VPS13C: variants seen among roughly 807,000 people sequenced by gnomAD.
The protein encoded by VPS13C is vacuolar protein sorting 13 homolog C, also known as intermembrane lipid transfer protein VPS13C.
Under a neutral mutation model 456.8 loss-of-function variants are expected in VPS13C, and 358 were observed. The observed-to-expected ratio is 0.78, with a 90% CI of 0.72 to 0.86. The LOEUF (loss-of-function observed/expected upper bound fraction) is 0.86. Ranked by LOEUF, VPS13C falls within the 40% of genes least tolerant of loss-of-function variation. The pLI, the probability that VPS13C is intolerant of heterozygous loss-of-function variation, is 0.00. For synonymous variants in VPS13C, 1,578 were observed against 1,486.7 expected (o/e 1.06, Z -1.41); for missense variants, 4,818 against 4,385.4 (o/e 1.10, Z -2.79).
At chr15:61,907,044 G>A (rs935911083) in intron 66 of VPS13C, 2 of 500,646 alleles carry the variant, frequency 4.0e-6, no homozygotes, top group Admixed American at 3.7e-5. Flanking sequence ...AGATAAAGCA[G>A]GTCTATTTTT....
At chr15:61,874,736 T>C (rs999620284) in intron 77 of VPS13C, 140 bp downstream of exon 77, 1 of 682,380 alleles carries the variant, frequency 1.5e-6, no homozygotes, top group Non-Finnish European at 2.2e-6. Flanking sequence ...TTTAAAAACA[T>C]GGGAAACATG....
chr15:61,942,131 A>G, intron 45 of VPS13C, 64 bp from the exon 46 acceptor site: 1 of 1,413,740 alleles, frequency 7.1e-7, no homozygotes, highest in South Asian at 1.5e-5. Flanking sequence ...AAAACTTTAA[A>G]AAGCATTTAC....
intron 32 of VPS13C, among the ~76,000 whole-genome samples, 198 bp from the exon 33 acceptor site, chr15:61,963,050 A>G (rs1364224484): frequency 6.6e-6 from 1 of 152,176 alleles, no homozygotes; most frequent in Non-Finnish European, 1.5e-5. Flanking sequence ...AACAATGATT[A>G]TGTGACTTTT....
Position 61,915,778 on chromosome 15 carries a change from G to A in VPS13C, c.8300C>T (p.Ser2767Phe), listed in dbSNP as rs962926868. ...VRRIGSRMVL[S>F]VFSPYWLINK... is the part of the protein sequence containing the mutation. ...GATTAACCAATAGGGACTAAAGACA[G>A]ACAGCACCATCCGGCTGCCAATTCT... Residue 2767 changes from serine to phenylalanine, a missense_variant, in exon 61 of 85, where the codon TCT becomes TTT. Physicochemically the swap from Ser to Phe is radical, Grantham distance 155 (BLOSUM62 -2). Transcript: ENST00000644861. The A allele has an allele frequency of 2.5e-6, 4 of 1,614,014 alleles. No individual in the cohort carries two copies. The highest frequency in any genetic ancestry group is 3.4e-6 in the Non-Finnish European group (4 of 1,180,028).
chr15:61,938,271 TG>T lies in VPS13C; in HGVS notation c.5602-1522del, dbSNP rs375065145. 5.9e-3 allele frequency among the ~76,000 whole-genome samples: 862 copies of T among 145,586 alleles called. 15 individuals carry two copies. The highest frequency in any genetic ancestry group is 0.021 in the African/African-American group (828 of 38,862). On this transcript the variant is annotated intron_variant, in intron 47 of 84. Coordinates refer to ENST00000644861, the MANE Select transcript of VPS13C (RefSeq NM_020821.3). ...ACCCCTCTTTCACTTTGCTGTGGGG[TG>T]GGGGGGGAACAAGTATGAAGGACAA... is the stretch of plus-strand genomic sequence containing the variant.
In VPS13C at chr15:62,058,816, C is replaced by A. The variant is rs144286868; in HGVS notation, c.100+1459G>T. Among the ~76,000 whole-genome samples the A allele has an allele frequency of 6.2e-3, 945 of 152,118 alleles. 13 individuals carry two copies. The highest frequency in any genetic ancestry group is 0.022 in the African/African-American group (912 of 41,494). ...CCTGTAATCCTAGCACTTTGGGAGG[C>A]TGAGGCAGGAGGATCACTTCAGCCC... On this transcript the variant is annotated intron_variant, in intron 1 of 84. Coordinates refer to ENST00000644861, the MANE Select transcript of VPS13C (RefSeq NM_020821.3).
rs1308835257 is a variant in VPS13C, at chr15:61,867,199, C to T, written c.10863+1460G>A. The stretch of plus-strand genomic sequence containing the variant: ...CAACTTCTATCTACATTAATTAAAA[C>T]TAATAATTATGAAATAAGCATAACC... On this transcript the variant is annotated intron_variant, in intron 81 of 84. Transcript: ENST00000644861. This position sits in a 1 kb window ranked among gnomAD's most constrained non-coding sequence, Gnocchi z 5.0. The T allele has an allele frequency of 1.0e-6, 1 of 982,440 alleles. No individual in the cohort carries two copies. Among genetic ancestry groups the T allele is most frequent in the Non-Finnish European group, 1.2e-6 (1 of 827,312 alleles). The allele number at this position is 982,440 out of a possible 1,614,324, so 60.9% of individuals were successfully genotyped here.
chr15:61,881,519 T>C, intron 71 of VPS13C, 44 bp downstream of exon 71: 2 of 1,520,260 alleles, frequency 1.3e-6, no homozygotes, highest in Non-Finnish European at 8.9e-7. Context: ...AAGTAGATTC[T>C]CATTTTAAAT....
intron 47 of VPS13C, 88 bp from the exon 48 acceptor site, chr15:61,936,838 T>A: frequency 7.6e-7 from 1 of 1,310,700 alleles, no homozygotes; most frequent in Non-Finnish European, 1.0e-6. Flanking sequence ...TTTTTCAAAT[T>A]AATTGTTCAC....
intron 82 of VPS13C, among the ~76,000 whole-genome samples, chr15:61,862,833 A>C (rs1261246601): frequency 4.6e-5 from 7 of 152,166 alleles, no homozygotes; most frequent in Non-Finnish European, 1.0e-4. Context: ...CCACTGTAAG[A>C]ACTTTGCCTT....
intron 53 of VPS13C, among the ~76,000 whole-genome samples, chr15:61,923,580 G>A (rs2043733327): frequency 6.6e-6 from 1 of 152,102 alleles, no homozygotes; most frequent in Non-Finnish European, 1.5e-5. Context: ...TTGTGGCCTA[G>A]TGCCTATTCA....
At chr15:62,003,496 T>C (rs1297131091) in intron 15 of VPS13C, among the ~76,000 whole-genome samples, 3 of 152,216 alleles carry the variant, frequency 2.0e-5, no homozygotes, top group South Asian at 2.1e-4. Flanking sequence ...CTTTTCCTAA[T>C]TGAATACCCT....
In VPS13C at chr15:61,880,717, C is replaced by A; in HGVS notation, c.9894G>T (p.Lys3298Asn). The change falls in exon 73 of 85, where the codon AAG becomes AAT. Residue 3298 changes from lysine to asparagine, a missense_variant. Transcript: ENST00000644861. ...TDPEAERRRT[K>N]LIQQDIDALN... is the part of the protein sequence containing the mutation. ...GAGCATCAATATCTTGTTGGATTAA[C>A]TTTGTCTGAAAAAAATAAAATCAAG... 6.4e-7 allele frequency: 1 copy of A among 1,572,026 alleles called. No homozygotes were observed. Among genetic ancestry groups the A allele is most frequent in the Non-Finnish European group, 8.6e-7 (1 of 1,161,080 alleles).
chr15:61,876,720 C>T (rs1310307167), intron 75 of VPS13C, among the ~76,000 whole-genome samples: 1 of 151,842 alleles, frequency 6.6e-6, no homozygotes, highest in Non-Finnish European at 1.5e-5. Context: ...ACTATAAAGT[C>T]ACTATTCTTT....
At chr15:62,017,342 A>G (rs908135658) in intron 9 of VPS13C, among the ~76,000 whole-genome samples, 9 of 152,054 alleles carry the variant, frequency 5.9e-5, no homozygotes, top group African/African-American at 2.2e-4. Context: ...TTGGTGTTTT[A>G]GACATGAAGT....
rs1416835562 is a variant in VPS13C, at chr15:61,911,924, C to T, written c.8631G>A (p.Lys2877=). 2 of 1,612,764 alleles carry T rather than the reference C, an allele frequency of 1.2e-6. No homozygotes were observed. Among genetic ancestry groups the T allele is most frequent in the South Asian group, 1.1e-5 (1 of 90,832 alleles). ...CGCCAACTTCTAGTTCTAATGATGACTTGTTTGCAATGGTACAAAAGGGAG... is the reference window on the plus strand; with the variant it reads ...CGCCAACTTCTAGTTCTAATGATGATTTGTTTGCAATGGTACAAAAGGGAG... ...TLTPFCTIAN[K]SSLELEVGEI... The change falls in exon 63 of 85, where the codon AAG becomes AAA. Residue 2877 remains lysine (K), a synonymous_variant. Transcript: ENST00000644861.
chr15:61,871,205 T>C (rs1895003277), intron 79 of VPS13C, among the ~76,000 whole-genome samples: 2 of 152,168 alleles, frequency 1.3e-5, no homozygotes, highest in Non-Finnish European at 1.5e-5. Flanking sequence ...GACTCCTATA[T>C]TTTCCTCTGA....
chr15:62,016,517 C>A (rs923007163), intron 9 of VPS13C, among the ~76,000 whole-genome samples: 7 of 147,482 alleles, frequency 4.7e-5, no homozygotes, highest in African/African-American at 1.7e-4. Flanking sequence ...TGAGAACATG[C>A]AGTGTTTGGT....
chr15:61,995,143 G>A (rs949392690), intron 16 of VPS13C, among the ~76,000 whole-genome samples: 1 of 152,062 alleles, frequency 6.6e-6, no homozygotes, highest in South Asian at 2.1e-4. Flanking sequence ...TATAAAAATT[G>A]CTCTTAAGTT....
Sources: gnomAD v4.1 joint callset for allele counts (sites outside exome capture counted in the v4.1 genomes callset) on GRCh38, gnomAD v4.1.1 for gene constraint, Gnocchi (gnomAD v3.1) non-coding constraint, MANE v1.5 for transcripts, NCBI Gene and HGNC (gene_info 2026-07-23, HGNC 2026-07-21) for gene names.